TSPAN7: variants seen among roughly 807,000 people sequenced by gnomAD.
TSPAN7 encodes tetraspanin-7.
In TSPAN7, 1 loss-of-function variant was observed where a neutral mutation model predicts 17.6. That is an observed-to-expected ratio of 0.06 (90% CI 0.02 to 0.27). The LOEUF (loss-of-function observed/expected upper bound fraction) is 0.27. Among genes scored for constraint, TSPAN7 ranks in the 10% least tolerant of loss-of-function variants. The pLI is 1.00. For synonymous variants in TSPAN7, 78 were observed against 79.0 expected, an observed-to-expected ratio of 0.99 and a Z score of 0.07; for missense variants, 112 against 201.7, an observed-to-expected ratio of 0.56 and a Z score of 2.69.
At chrX:38,685,210 C>T (rs947369067) in intron 6 of TSPAN7, among the ~76,000 whole-genome samples, 1 of 111,781 alleles carries the variant, frequency 8.9e-6, no homozygotes, top group Admixed American at 9.5e-5. Context: ...CAAGAGGGTA[C>T]AACCTTAAGC....
At chrX:38,664,697 CA>C (rs1256713125) in intron 1 of TSPAN7, among the ~76,000 whole-genome samples, 1 of 112,227 alleles carries the variant, frequency 8.9e-6, no homozygotes, top group Non-Finnish European at 1.9e-5. Context: ...ACTAGTTCCT[CA>C]ATCTTTTTCT....
rs140063343 is a variant in TSPAN7, at chrX:38,680,796, G to C, written c.598-408G>C. Reference sequence around the variant, plus strand: ...CCTGAGATTTCCTGTTCAAGGATGCGGAATGTCTTTTCAAGTCTACTTCTT... The same window carrying C: ...CCTGAGATTTCCTGTTCAAGGATGCCGAATGTCTTTTCAAGTCTACTTCTT... On this transcript the variant is annotated intron_variant, in intron 5 of 7. Coordinates refer to ENST00000378482, the MANE Select transcript of TSPAN7 (RefSeq NM_004615.4). Among the ~76,000 whole-genome samples the C allele has an allele frequency of 1.6e-4, 18 of 111,302 alleles. No individual in the cohort carries two copies. In the East Asian group the frequency reaches 4.5e-3, roughly 28 times the overall value.
chrX:38,581,583 G>T (rs2069227238), intron 1 of TSPAN7, among the ~76,000 whole-genome samples: 1 of 111,912 alleles, frequency 8.9e-6, no homozygotes, highest in Non-Finnish European at 1.9e-5. Flanking sequence ...TTTGGGTGGG[G>T]ACATGGCCAA....
At chrX:38,577,232 A>T (rs886250425) in intron 1 of TSPAN7, among the ~76,000 whole-genome samples, 2 of 111,594 alleles carry the variant, frequency 1.8e-5, no homozygotes, top group African/African-American at 6.5e-5. Context: ...TTTGAGACAA[A>T]GGTAGATTTA....
chrX:38,628,165 C>G (rs923526078), intron 1 of TSPAN7, among the ~76,000 whole-genome samples: 6 of 112,378 alleles, frequency 5.3e-5, no homozygotes, highest in Non-Finnish European at 9.4e-5. Flanking sequence ...TTTTATACCC[C>G]CCTCCACAAT....
At chrX:38,603,763 T>G (rs1338882658) in intron 1 of TSPAN7, among the ~76,000 whole-genome samples, 1 of 111,062 alleles carries the variant, frequency 9.0e-6, no homozygotes, top group African/African-American at 3.3e-5. Flanking sequence ...AGTTAAGGTA[T>G]GTAGGGTTTC....
intron 6 of TSPAN7, among the ~76,000 whole-genome samples, chrX:38,686,370 T>C (rs969037766): frequency 4.5e-5 from 5 of 112,162 alleles, no homozygotes; most frequent in African/African-American, 1.3e-4. Flanking sequence ...GGACCTGAAG[T>C]GGCAGCAGGT....
chrX:38,685,833 G>A (rs1368234208), intron 6 of TSPAN7, among the ~76,000 whole-genome samples: 3 of 111,861 alleles, frequency 2.7e-5, no homozygotes, highest in Non-Finnish European at 5.6e-5. Flanking sequence ...TTGTATCAAG[G>A]ACTTGAGCAT....
intron 2 of TSPAN7, among the ~76,000 whole-genome samples, chrX:38,666,575 G>T (rs187281749): frequency 3.2e-3 from 326 of 101,333 alleles, no homozygotes; most frequent in Middle Eastern, 5.0e-3. Flanking sequence ...GTATCCTCAT[G>T]ACAAGATGCC....
At chrX:38,645,523 T>G (rs2069639254) in intron 1 of TSPAN7, among the ~76,000 whole-genome samples, 1 of 109,866 alleles carries the variant, frequency 9.1e-6, no homozygotes, top group Non-Finnish European at 1.9e-5. Context: ...TCCAAATTAA[T>G]TAAACTTGTA....
chrX:38,566,725 A>T (rs747824841), intron 1 of TSPAN7, among the ~76,000 whole-genome samples: 1 of 112,054 alleles, frequency 8.9e-6, no homozygotes, highest in Non-Finnish European at 1.9e-5. Flanking sequence ...AAGCATGAAT[A>T]AAAAAGATCT....
At chrX:38,647,536 C>T (rs947445048) in intron 1 of TSPAN7, among the ~76,000 whole-genome samples, 2 of 111,955 alleles carry the variant, frequency 1.8e-5, no homozygotes, top group African/African-American at 6.5e-5. Flanking sequence ...TTTAGGACAC[C>T]ATATTGGGTG....
intron 1 of TSPAN7, among the ~76,000 whole-genome samples, chrX:38,655,345 A>AT (rs753527769): frequency 3.1e-4 from 34 of 110,568 alleles, no homozygotes; most frequent in Non-Finnish European, 1.5e-4. Flanking sequence ...CCTTAAAGTT[A>AT]TTTTTTTCAT....
At chrX:38,606,604 TG>T (rs2069385065) in intron 1 of TSPAN7, among the ~76,000 whole-genome samples, 1 of 110,958 alleles carries the variant, frequency 9.0e-6, no homozygotes, top group African/African-American at 3.3e-5. Flanking sequence ...ATAATATTGG[TG>T]ATTTACAACC....
intron 3 of TSPAN7, among the ~76,000 whole-genome samples, chrX:38,673,276 C>T (rs1022452): frequency 1.8e-5 from 2 of 111,061 alleles, no homozygotes; most frequent in African/African-American, 3.3e-5. Context: ...GTAACACATT[C>T]GACATTCCAC....
intron 1 of TSPAN7, among the ~76,000 whole-genome samples, chrX:38,599,627 A>C (rs1044877741): frequency 1.3e-4 from 15 of 111,399 alleles, no homozygotes; most frequent in Non-Finnish European, 2.6e-4. Flanking sequence ...GGATGTGGAG[A>C]TGAATTGCAA....
At chrX:38,675,581 C>A in intron 4 of TSPAN7, 124 bp from the exon 5 acceptor site, 2 of 828,409 alleles carry the variant, frequency 2.4e-6, no homozygotes, top group Non-Finnish European at 3.5e-6. Context: ...CTTGACTCAC[C>A]AAAGCTGCAC....
At chrX:38,648,610 G>A (rs994043578) in intron 1 of TSPAN7, among the ~76,000 whole-genome samples, 1 of 111,487 alleles carries the variant, frequency 9.0e-6, no homozygotes, top group Non-Finnish European at 1.9e-5. Flanking sequence ...CACCATGCCT[G>A]GCTAATTTTT....
intron 1 of TSPAN7, among the ~76,000 whole-genome samples, chrX:38,593,326 A>AT (rs760689227): frequency 2.7e-5 from 3 of 110,751 alleles, no homozygotes; most frequent in African/African-American, 3.3e-5. Context: ...TTCTATAAAT[A>AT]TTTTTTCTAT....
Sources: allele counts gnomAD v4.1 joint callset (sites outside exome capture counted in the v4.1 genomes callset), GRCh38; gene constraint gnomAD v4.1.1; transcripts MANE v1.5; gene names NCBI Gene and HGNC (gene_info 2026-07-23, HGNC 2026-07-21).